Variants in PCNT observed in about 807,000 individuals in gnomAD.
PCNT encodes the protein kendrin.
In PCNT, 319 loss-of-function variants were observed where a neutral mutation model predicts 380.4. That is an observed-to-expected ratio of 0.84 (90% CI 0.77 to 0.92). The LOEUF is 0.92. Among genes scored for constraint, PCNT ranks in the 40% least tolerant of loss-of-function variants. The pLI is 0.00. For missense variants in PCNT, 4,400 were observed against 4,255.3 expected (o/e 1.03, Z -0.95); for synonymous variants, 1,845 against 1,735.2 (o/e 1.06, Z -1.57).
chr21:46,403,233 C>T (rs1363927902), intron 27 of PCNT, among the ~76,000 whole-genome samples: 2 of 137,278 alleles, frequency 1.5e-5, no homozygotes, highest in African/African-American at 5.2e-5. Context: ...GCCCACGCGG[C>T]GCATGCTCGG....
chr21:46,330,721 T>C (rs954486977), intron 2 of PCNT, among the ~76,000 whole-genome samples: 1 of 152,234 alleles, frequency 6.6e-6, no homozygotes, highest in African/African-American at 2.4e-5. Flanking sequence ...AGGAGTAATT[T>C]TGTGTTCAAA....
At position 46,366,713 on chromosome 21, in the gene PCNT, G is replaced by A. The variant is rs1362968698; in HGVS notation, c.2739G>A (p.Leu913=). 1.2e-6 allele frequency: 2 copies of A among 1,613,760 alleles called. No homozygotes were observed. The highest frequency in any genetic ancestry group is 2.2e-5 in the East Asian group (1 of 44,872). ...LLQERHQQQL[L]SVTAELEARH... ...AGGAGAGACACCAGCAGCAGCTCCTGTCAGTGACGGCGGAGCTCGAGGCCA... is the reference window on the plus strand; with the variant it reads ...AGGAGAGACACCAGCAGCAGCTCCTATCAGTGACGGCGGAGCTCGAGGCCA... Residue 913 remains leucine, a synonymous_variant, in exon 15 of 47, where the codon CTG becomes CTA. Transcript: ENST00000359568.
chr21:46,437,600 G>T (rs2053497341), intron 40 of PCNT, among the ~76,000 whole-genome samples: 1 of 152,236 alleles, frequency 6.6e-6, no homozygotes, highest in Admixed American at 6.5e-5. Context: ...AGCTGCCTCT[G>T]AAGGAGGTGG....
intron 14 of PCNT, among the ~76,000 whole-genome samples, chr21:46,365,741 C>T (rs1447227067): frequency 6.7e-6 from 1 of 148,350 alleles, no homozygotes; most frequent in African/African-American, 2.5e-5. Flanking sequence ...TATTCACTGC[C>T]GTGGGGTTCT....
rs1016064058 is a variant in PCNT, at chr21:46,425,523, GA to G, written c.7180-307del. On this transcript the variant is annotated intron_variant, in intron 32 of 46. Transcript: ENST00000359568. This position sits in a 1 kb window ranked among gnomAD's most constrained non-coding sequence, Gnocchi z 4.2. ...GAGCTTTGTCCAGGCTTAGGCGGGG[GA>G]CGGTGTCCCCCTCAGGGAGCAGGTG... Among the ~76,000 whole-genome samples, 16 of 152,250 alleles carry G rather than the reference GA, an allele frequency of 1.1e-4. No individual in the cohort carries two copies. Among genetic ancestry groups the G allele is most frequent in the African/African-American group, 3.6e-4 (15 of 41,468 alleles).
At chr21:46,344,620 G>T (rs1310263995) in intron 3 of PCNT, among the ~76,000 whole-genome samples, 3 of 152,256 alleles carry the variant, frequency 2.0e-5, no homozygotes, top group African/African-American at 7.2e-5. Context: ...CTGTGAGCAA[G>T]TGGGTCACCT....
At chr21:46,420,191 G>GGA (rs1315703543) in intron 31 of PCNT, among the ~76,000 whole-genome samples, 1 of 152,174 alleles carries the variant, frequency 6.6e-6, no homozygotes, top group Non-Finnish European at 1.5e-5. Flanking sequence ...GGTCGGGGTG[G>GGA]AGGATTTCCT....
intron 3 of PCNT, among the ~76,000 whole-genome samples, chr21:46,344,366 G>T (rs2083999488): frequency 6.6e-6 from 1 of 152,160 alleles, no homozygotes; most frequent in Non-Finnish European, 1.5e-5. Flanking sequence ...GAACCACCGC[G>T]CCCGGCCCGA....
At chr21:46,380,077 C>G (rs2085462861) in intron 15 of PCNT, among the ~76,000 whole-genome samples, 1 of 148,282 alleles carries the variant, frequency 6.7e-6, no homozygotes, top group South Asian at 2.2e-4. Flanking sequence ...CAACTGGTTT[C>G]TCTACTGTGG....
intron 10 of PCNT, 130 bp downstream of exon 10, chr21:46,353,456 G>A: frequency 1.2e-6 from 1 of 817,520 alleles, no homozygotes; most frequent in Non-Finnish European, 2.1e-6. Context: ...ACATTTTATG[G>A]TCCAGATTTA....
At chr21:46,332,891 T>C (rs1203072397) in intron 2 of PCNT, among the ~76,000 whole-genome samples, 3 of 152,190 alleles carry the variant, frequency 2.0e-5, no homozygotes, top group African/African-American at 7.2e-5. Context: ...GGAGGATTGC[T>C]TGAGCCCAGG....
intron 3 of PCNT, among the ~76,000 whole-genome samples, chr21:46,337,274 G>A (rs1341896767): frequency 6.6e-6 from 1 of 152,062 alleles, no homozygotes; most frequent in Admixed American, 6.6e-5. Context: ...ACCACGCCCG[G>A]CCCCATTTAT....
chr21:46,349,822 T>C lies in PCNT; in HGVS notation c.1344+2T>C. 6.2e-7 allele frequency: 1 copy of C among 1,613,824 alleles called. No individual in the cohort carries two copies. The highest frequency in any genetic ancestry group is 8.5e-7 in the Non-Finnish European group (1 of 1,179,818). On this transcript the variant is annotated splice_donor_variant, in intron 8 of 46. Coordinates refer to ENST00000359568, the MANE Select transcript of PCNT (RefSeq NM_006031.6). LOFTEE classifies it high-confidence loss of function. ...AGCGAGAAAGAAAAACAGCTGGAGGTGGGCAGCAGCTTCGTTATTTAATTA... is the reference window on the plus strand; with the variant it reads ...AGCGAGAAAGAAAAACAGCTGGAGGCGGGCAGCAGCTTCGTTATTTAATTA...
At chr21:46,438,528 C>T (rs1184978191) in intron 41 of PCNT, among the ~76,000 whole-genome samples, 191 bp downstream of exon 41, 1 of 152,216 alleles carries the variant, frequency 6.6e-6, no homozygotes, top group Non-Finnish European at 1.5e-5. Flanking sequence ...AACATCTCAG[C>T]CGACTTCCAG....
At chr21:46,442,475 G>C in intron 43 of PCNT, 22 bp from the exon 44 acceptor site, 1 of 1,504,382 alleles carries the variant, frequency 6.6e-7, no homozygotes. Context: ...TTTTAAGTGT[G>C]TCTTGTCTCT....
chr21:46,331,594 T>C lies in PCNT; in HGVS notation c.268-2803T>C, dbSNP rs962992379. ...CAACGTGGGAGGATGGTTGAAACTC[T>C]GTCTCTATGAAAAATATAAAAATTA... On this transcript the variant is annotated intron_variant, in intron 2 of 46. Coordinates refer to ENST00000359568, the MANE Select transcript of PCNT (RefSeq NM_006031.6). 2.0e-5 allele frequency among the ~76,000 whole-genome samples: 3 copies of C among 151,690 alleles called. No homozygotes were observed. The East Asian group carries it at 5.9e-4, about 30-fold the overall frequency.
rs777375146 is a variant in PCNT at position 46,411,824 on chromosome 21, C to A, written c.5751C>A (p.Pro1917=). ...CCCTGGCAGCCGGGGCGGCGCCTCC[C>A]GAGCTGCAGTGGCTCCGAGCGCAGT... ...QQPLAAGAAP[P]ELQWLRAQCA... Residue 1917 remains proline, a synonymous_variant, in exon 28 of 47, where the codon CCC becomes CCA. Transcript: ENST00000359568. 6.4e-7 allele frequency: 1 copy of A among 1,573,682 alleles called. No homozygotes were observed. Among genetic ancestry groups the A allele is most frequent in the Non-Finnish European group, 8.6e-7 (1 of 1,164,912 alleles).
intron 31 of PCNT, among the ~76,000 whole-genome samples, chr21:46,419,931 GT>G (rs1478457317): frequency 6.6e-6 from 1 of 152,184 alleles, no homozygotes; most frequent in Non-Finnish European, 1.5e-5. Context: ...AAGGAAACAT[GT>G]CCCCAGAAGC....
chr21:46,423,424 C>T (rs981079619), intron 32 of PCNT, among the ~76,000 whole-genome samples: 2 of 151,722 alleles, frequency 1.3e-5, no homozygotes, highest in Admixed American at 6.6e-5. Context: ...CTCCTGAGCT[C>T]AAGTAATCTG....
Sources: gnomAD v4.1 joint callset for allele counts (sites outside exome capture counted in the v4.1 genomes callset) on GRCh38, gnomAD v4.1.1 for gene constraint, Gnocchi (gnomAD v3.1) non-coding constraint, MANE v1.5 for transcripts, NCBI Gene and HGNC (gene_info 2026-07-23, HGNC 2026-07-21) for gene names.